CSMD3: variants seen among roughly 807,000 people sequenced by gnomAD.
The protein encoded by CSMD3 is CUB and sushi domain-containing protein 3.
CSMD3 carries 177 observed loss-of-function variants against 435.2 expected under a neutral mutation model. The observed-to-expected ratio is 0.41, with a 90% CI of 0.36 to 0.46. The LOEUF is 0.46. Ranked by LOEUF, CSMD3 falls within the 20% of genes least tolerant of loss-of-function variation. The pLI, the probability that CSMD3 is intolerant of heterozygous loss-of-function variation, is 0.34. For synonymous variants in CSMD3, 1,656 were observed against 1,520.5 expected, an observed-to-expected ratio of 1.09 and a Z score of -2.07; for missense variants, 4,265 against 4,504.6, an observed-to-expected ratio of 0.95 and a Z score of 1.52.
intron 11 of CSMD3, among the ~76,000 whole-genome samples, chr8:112,850,617 A>T (rs1446880133): frequency 6.6e-6 from 1 of 152,226 alleles, no homozygotes; most frequent in Admixed American, 6.5e-5. Context: ...AACAGATCAT[A>T]GTTTTTGAAT....
At chr8:113,143,608 A>G (rs934416858) in intron 4 of CSMD3, among the ~76,000 whole-genome samples, 1 of 151,414 alleles carries the variant, frequency 6.6e-6, no homozygotes, top group Non-Finnish European at 1.5e-5. Flanking sequence ...ATCAAATGCT[A>G]ATGCCAGCAA....
intron 3 of CSMD3, among the ~76,000 whole-genome samples, chr8:113,221,197 A>G (rs1372916003): frequency 6.6e-6 from 1 of 151,310 alleles, no homozygotes; most frequent in Non-Finnish European, 1.5e-5. Flanking sequence ...AGATGATAGT[A>G]TTGTATTGAT....
intron 3 of CSMD3, among the ~76,000 whole-genome samples, chr8:113,270,985 T>TAAAAA (rs3048870): frequency 6.7e-6 from 1 of 148,218 alleles, no homozygotes; most frequent in Admixed American, 6.7e-5. Flanking sequence ...TCAAAAAGCA[T>TAAAAA]AAAAAAAAAA....
At chr8:112,891,013 AATATTT>A (rs751326245) in intron 10 of CSMD3, among the ~76,000 whole-genome samples, 6 of 151,656 alleles carry the variant, frequency 4.0e-5, no homozygotes, top group African/African-American at 7.3e-5. Flanking sequence ...TATACATATT[AATATTT>A]ATATGTAGTC....
intron 11 of CSMD3, among the ~76,000 whole-genome samples, chr8:112,853,868 A>G (rs942936761): frequency 2.6e-5 from 4 of 151,746 alleles, no homozygotes; most frequent in African/African-American, 9.7e-5. Context: ...AACACTGCAC[A>G]TTACAATTCT....
intron 4 of CSMD3, among the ~76,000 whole-genome samples, chr8:113,120,156 T>C (rs2131631899): frequency 6.6e-6 from 1 of 152,174 alleles, no homozygotes; most frequent in East Asian, 1.9e-4. Context: ...TGAATTCATC[T>C]ACAATCTGCT....
intron 13 of CSMD3, among the ~76,000 whole-genome samples, chr8:112,693,377 T>A (rs1461131470): frequency 6.6e-6 from 1 of 152,052 alleles, no homozygotes; most frequent in African/African-American, 2.4e-5. Flanking sequence ...TCCTTCTTCA[T>A]CTGAAAATGT....
intron 5 of CSMD3, among the ~76,000 whole-genome samples, chr8:113,029,458 G>A (rs887647684): frequency 8.6e-5 from 13 of 151,468 alleles, no homozygotes; most frequent in Admixed American, 2.6e-4. Context: ...CAGGGATGCA[G>A]GGATGGTTTA....
intron 10 of CSMD3, among the ~76,000 whole-genome samples, chr8:112,896,988 T>C (rs1031586570): frequency 2.0e-5 from 3 of 151,444 alleles, no homozygotes; most frequent in Admixed American, 2.0e-4. Flanking sequence ...TTCACCCCTG[T>C]TCCTCCAGCT....
chr8:112,726,573 G>T (rs1002117416), intron 13 of CSMD3, among the ~76,000 whole-genome samples: 5 of 151,798 alleles, frequency 3.3e-5, no homozygotes, highest in African/African-American at 1.2e-4. Flanking sequence ...AGAGTGTTAG[G>T]TGCATAGTAT....
At chr8:113,380,744 G>A (rs975113747) in intron 1 of CSMD3, among the ~76,000 whole-genome samples, 9 of 152,056 alleles carry the variant, frequency 5.9e-5, no homozygotes, top group South Asian at 4.1e-4. Context: ...GACTTATGTC[G>A]TCACCAAATG....
chr8:112,591,566 C>T (rs1213305008), intron 22 of CSMD3, among the ~76,000 whole-genome samples: 1 of 152,064 alleles, frequency 6.6e-6, no homozygotes, highest in South Asian at 2.1e-4. Flanking sequence ...ATGTGCATTA[C>T]AACTGAGTCT....
At chr8:113,187,136 G>T (rs1383297) in intron 3 of CSMD3, among the ~76,000 whole-genome samples, 2 of 151,214 alleles carry the variant, frequency 1.3e-5, no homozygotes, top group African/African-American at 4.9e-5. Context: ...CACTTTGCTG[G>T]GAGTTTTTTT....
chr8:113,014,501 T>G (rs1377434771), intron 6 of CSMD3, among the ~76,000 whole-genome samples: 2 of 151,798 alleles, frequency 1.3e-5, no homozygotes. Flanking sequence ...GATGCCCTTA[T>G]CAAGAAAAAA....
intron 22 of CSMD3, among the ~76,000 whole-genome samples, chr8:112,590,340 G>C (rs1308836113): frequency 6.6e-6 from 1 of 151,920 alleles, no homozygotes; most frequent in Non-Finnish European, 1.5e-5. Flanking sequence ...CTGAAGTACT[G>C]CAACTTGAAA....
At chr8:112,918,865 GTGCAGTGCACTGATAC>G (rs1192684821) in intron 10 of CSMD3, among the ~76,000 whole-genome samples, 6 of 151,738 alleles carry the variant, frequency 4.0e-5, no homozygotes, top group Non-Finnish European at 7.4e-5. Context: ...TCTCTCAAAG[GTGCAGTGCACTGATAC>G]TGCAATTTAT....
intron 24 of CSMD3, among the ~76,000 whole-genome samples, chr8:112,561,463 A>G (rs749834197): frequency 4.0e-5 from 6 of 151,800 alleles, no homozygotes; most frequent in Non-Finnish European, 8.9e-5. Flanking sequence ...AAGTTATTTG[A>G]AATCTACAAA....
intron 54 of CSMD3, among the ~76,000 whole-genome samples, chr8:112,293,975 A>G (rs556071730): frequency 4.6e-5 from 7 of 152,150 alleles, no homozygotes; most frequent in Non-Finnish European, 7.4e-5. Context: ...TTATTCAACA[A>G]GAAAAACAGT....
intron 2 of CSMD3, chr8:113,312,071 TTTTTATTTATATATCAA>T (rs1484769026): frequency 2.0e-5 from 3 of 152,110 alleles, no homozygotes; most frequent in African/African-American, 7.2e-5. Context: ...AAAAAATAGA[TTTTTATTTATATATCAA>T]TACATAAACT....
Sources: allele counts gnomAD v4.1 joint callset (sites outside exome capture counted in the v4.1 genomes callset), GRCh38; gene constraint gnomAD v4.1.1; transcripts MANE v1.5; gene names NCBI Gene and HGNC (gene_info 2026-07-23, HGNC 2026-07-21).